The following ZNF239 variants were observed in gnomAD, a reference collection of about 807,000 sequenced individuals.
The protein encoded by ZNF239 is zinc finger protein 239.
Under a neutral mutation model 27.5 loss-of-function variants are expected in ZNF239, and 16 were observed. The ratio of observed to expected loss-of-function variants is 0.58; its 90% CI spans 0.39 to 0.88. ZNF239 has a LOEUF of 0.88. ZNF239 is among the 40% of genes least tolerant of loss of function. The probability of loss-of-function intolerance (pLI) is 0.00; values close to 1 mark genes in which losing one functional copy is unlikely to be tolerated. For synonymous variants in ZNF239, 199 were observed against 192.6 expected (o/e 1.03, Z -0.27); for missense variants, 527 against 551.9 (o/e 0.95, Z 0.45).
rs561103423 is a variant in ZNF239 at position 43,563,310 on chromosome 10, C to T, written c.-93+4589G>A. On this transcript the variant is annotated intron_variant, in intron 3 of 3. Transcript: ENST00000374446. ...CAGCCTGGGCGACAGAGTGAGCCTT[C>T]GTCTAAAAGAAGAAGAAGAAAAAAA... 4.0e-5 allele frequency among the ~76,000 whole-genome samples: 6 copies of T among 151,264 alleles called. No homozygotes were observed. In the East Asian group the frequency reaches 5.8e-4, roughly 15 times the overall value.
Position 43,557,333 on chromosome 10 carries a change from A to C in ZNF239, c.747T>G (p.Ser249Arg), listed in dbSNP as rs770169609. ...TGTGGACTGCCTGATGGATAAGCAGACTCGAGCTCCTTGTGAAGCCCTTCC... is the reference window on the plus strand; with the variant it reads ...TGTGGACTGCCTGATGGATAAGCAGCCTCGAGCTCCTTGTGAAGCCCTTCC... ...QCGKGFTRSS[S>R]LLIHQAVHTD... The change falls in exon 4 of 4, where the codon AGT (serine) becomes AGG (arginine). Residue 249 changes from serine (S) to arginine (R), a missense_variant. By Grantham distance (110) the Ser-to-Arg change is moderately radical (BLOSUM62 -1). Coordinates refer to ENST00000374446, the MANE Select transcript of ZNF239 (RefSeq NM_001099282.2). The C allele has an allele frequency of 1.9e-6, 3 of 1,612,450 alleles. No homozygotes were observed. In the African/African-American group the frequency reaches 4.0e-5, roughly 22 times the overall value.
Position 43,556,587 on chromosome 10 carries a change from T to A in ZNF239, c.*116A>T. The A allele has an allele frequency of 7.5e-7, 1 of 1,326,668 alleles. No homozygotes were observed. The highest frequency in any genetic ancestry group is 1.5e-5 in the African/African-American group (1 of 68,008). The allele number at this position is 1,326,668 out of a possible 1,614,324, so 82.2% of individuals were successfully genotyped here. A position where few individuals can be genotyped will look rare whatever the true frequency, so the allele number is the denominator to read the frequency against. ...TGAGTGATTTTTCAGTGAGGGAACATATCTAAATAACCCTTACATCTCTCT... is the reference window on the plus strand; with the variant it reads ...TGAGTGATTTTTCAGTGAGGGAACAAATCTAAATAACCCTTACATCTCTCT... On this transcript the variant is annotated 3_prime_UTR_variant, in exon 4 of 4. Coordinates refer to ENST00000374446, the MANE Select transcript of ZNF239 (RefSeq NM_001099282.2).
At chr10:43,558,333 C>A (rs957421834) in intron 3 of ZNF239, among the ~76,000 whole-genome samples, 162 bp from the exon 4 acceptor site, 1 of 152,146 alleles carries the variant, frequency 6.6e-6, no homozygotes, top group African/African-American at 2.4e-5. Context: ...TATCTGGGTA[C>A]AAGACAGAAA....
rs187646674 is a variant in ZNF239, at chr10:43,567,860, C to T, written c.-93+39G>A. 468 of 960,420 alleles carry T rather than the reference C, an allele frequency of 4.9e-4. 2 individuals are homozygous for T. In the African/African-American group the frequency reaches 7.1e-3, roughly 15 times the overall value. The allele number at this position is 960,420 out of a possible 1,614,324, so 59.5% of individuals were successfully genotyped here. A position where few individuals can be genotyped will look rare whatever the true frequency, so the allele number is the denominator to read the frequency against. ...AAAAAGGAAGTAGGAAACAAAGAAG[C>T]CAATGGGCAGGTGTCCAAGTTCACA... On this transcript the variant is annotated intron_variant, in intron 3 of 3. Transcript: ENST00000374446.
chr10:43,565,817 G>GAA (rs36039838), intron 3 of ZNF239, among the ~76,000 whole-genome samples: 25 of 67,146 alleles, frequency 3.7e-4, no homozygotes, highest in East Asian at 1.1e-3. Flanking sequence ...TCCATCTCAA[G>GAA]AAAAAAAAAA....
At chr10:43,559,852 T>C (rs1263935231) in intron 3 of ZNF239, among the ~76,000 whole-genome samples, 1 of 152,116 alleles carries the variant, frequency 6.6e-6, no homozygotes, top group East Asian at 1.9e-4. Context: ...TTAGGAGTGA[T>C]GGAGGAACTA....
At chr10:43,564,506 T>C (rs757563180) in intron 3 of ZNF239, among the ~76,000 whole-genome samples, 2 of 152,162 alleles carry the variant, frequency 1.3e-5, no homozygotes, top group Non-Finnish European at 2.9e-5. Flanking sequence ...GTGGGAGATT[T>C]TAGATACTGA....
Position 43,557,074 on chromosome 10 carries a change from T to G in ZNF239, c.1006A>C (p.Ile336Leu). The change falls in exon 4 of 4, where the codon ATC becomes CTC. Residue 336 changes from isoleucine (I) to leucine (L), a missense_variant. Transcript: ENST00000374446. ...TCTCCTGTGTGTACTCGCTGGTGGATGTGCAGGTTTGAGCGCTGACTGAAG... is the reference window on the plus strand; with the variant it reads ...TCTCCTGTGTGTACTCGCTGGTGGAGGTGCAGGTTTGAGCGCTGACTGAAG... ...MSFSQRSNLH[I>L]HQRVHTGERP... is the part of the protein sequence containing the mutation. 1 of 1,613,744 alleles carries G rather than the reference T, an allele frequency of 6.2e-7. No homozygotes were observed. Among genetic ancestry groups the G allele is most frequent in the Non-Finnish European group, 8.5e-7 (1 of 1,179,936 alleles).
intron 3 of ZNF239, among the ~76,000 whole-genome samples, chr10:43,565,231 C>T (rs899780607): frequency 1.5e-4 from 23 of 151,984 alleles, no homozygotes; most frequent in Non-Finnish European, 2.6e-4. Context: ...TTAAAGGCAC[C>T]CGCCACCACG....
intron 3 of ZNF239, among the ~76,000 whole-genome samples, chr10:43,565,295 G>T (rs544342142): frequency 3.3e-5 from 5 of 152,046 alleles, no homozygotes; most frequent in Non-Finnish European, 5.9e-5. Context: ...TGTTGGCCAG[G>T]CTGGTCTCGA....
chr10:43,557,666 G>C lies in ZNF239; in HGVS notation c.414C>G (p.Cys138Trp). The C allele has an allele frequency of 6.2e-7, 1 of 1,614,126 alleles. No homozygotes were observed. Among genetic ancestry groups the C allele is most frequent in the Middle Eastern group, 1.6e-4 (1 of 6,062 alleles). ...AAGATTCTTTTAACTGGCCATTCTG[G>C]CAAGTTGCCTCACCATTTAACAATG... Reference protein sequence around the residue: ...ASPLLNGEATCQNGQLKESLD... With the variant: ...ASPLLNGEATWQNGQLKESLD... The change falls in exon 4 of 4, where the codon TGC becomes TGG. Residue 138 changes from cysteine to tryptophan, a missense_variant. Cys to Trp is a radical substitution (Grantham distance 215). Transcript: ENST00000374446.
chr10:43,571,016 A>C (rs919267451), intron 2 of ZNF239: 42 of 985,102 alleles, frequency 4.3e-5, no homozygotes, highest in Non-Finnish European at 4.7e-5. Flanking sequence ...AGCAAGACAA[A>C]GGTGGGACTG....
At position 43,556,706 on chromosome 10, in the gene ZNF239, G is replaced by C. The variant is rs1836759784; in HGVS notation, c.1374C>G (p.Arg458=). 2 of 1,612,318 alleles carry C rather than the reference G, an allele frequency of 1.2e-6. No individual in the cohort carries two copies. Among genetic ancestry groups the C allele is most frequent in the East Asian group, 4.5e-5 (2 of 44,848 alleles). The change falls in exon 4 of 4, where the codon CGC becomes CGG. Residue 458 remains arginine (R), a synonymous_variant. Transcript: ENST00000374446. The part of the protein sequence containing the change: ...IHQRVHKKDP[R] ...GACCTGAATGGGCTAATGTCAGTTA[G>C]CGAGGATCTTTCTTGTGAACCCGCT...
At chr10:43,558,354 G>T (rs1337523780) in intron 3 of ZNF239, among the ~76,000 whole-genome samples, 183 bp from the exon 4 acceptor site, 1 of 152,152 alleles carries the variant, frequency 6.6e-6, no homozygotes, top group East Asian at 1.9e-4. Flanking sequence ...TTTTCTCTTG[G>T]CTTTTAAGCA....
At chr10:43,570,997 T>C (rs1216508905) in intron 2 of ZNF239, 1 of 984,988 alleles carries the variant, frequency 1.0e-6, no homozygotes, top group Non-Finnish European at 1.2e-6. Context: ...AAATTAGTGC[T>C]CCTGTTAAAG....
intron 3 of ZNF239, among the ~76,000 whole-genome samples, chr10:43,561,580 G>T (rs1201982243): frequency 6.6e-6 from 1 of 152,172 alleles, no homozygotes; most frequent in Admixed American, 6.5e-5. Flanking sequence ...GACACGAAAA[G>T]ATTCAATTAC....
At chr10:43,571,060 C>G in intron 2 of ZNF239, 1 of 975,682 alleles carries the variant, frequency 1.0e-6, no homozygotes, top group Non-Finnish European at 1.2e-6. Context: ...TCCCAGGTAT[C>G]AGTGGCACTA....
At chr10:43,570,324 A>G (rs1261113103) in intron 2 of ZNF239, 2 of 985,264 alleles carry the variant, frequency 2.0e-6, no homozygotes, top group Non-Finnish European at 2.4e-6. Context: ...GGTGGGACAA[A>G]CAAACAGAAG....
At chr10:43,566,826 G>C (rs1837684675) in intron 3 of ZNF239, among the ~76,000 whole-genome samples, 2 of 152,068 alleles carry the variant, frequency 1.3e-5, no homozygotes, top group African/African-American at 4.8e-5. Context: ...GAATATCTTT[G>C]TTCACAATTT....
Sources: allele counts gnomAD v4.1 joint callset (sites outside exome capture counted in the v4.1 genomes callset), GRCh38; gene constraint gnomAD v4.1.1; transcripts MANE v1.5; gene names NCBI Gene and HGNC (gene_info 2026-07-23, HGNC 2026-07-21).